Variants in TENM4 observed in about 807,000 individuals in gnomAD.
TENM4 encodes the protein teneurin-4.
In TENM4, 82 loss-of-function variants were observed where a neutral mutation model predicts 243.3. The ratio of observed to expected loss-of-function variants is 0.34; its 90% CI spans 0.28 to 0.40. TENM4 has a LOEUF of 0.40. Among genes scored for constraint, TENM4 ranks in the 10% least tolerant of loss-of-function variants. TENM4 has a pLI of 1.00. For missense variants in TENM4, 3,138 were observed against 3,673.3 expected, an observed-to-expected ratio of 0.85 and a Z score of 3.77; for synonymous variants, 1,412 against 1,456.3, an observed-to-expected ratio of 0.97 and a Z score of 0.69.
intron 2 of TENM4, among the ~76,000 whole-genome samples, chr11:79,276,981 A>G (rs532413656): frequency 1.3e-5 from 2 of 151,886 alleles, no homozygotes; most frequent in South Asian, 4.2e-4. Flanking sequence ...CCCACCCCCA[A>G]TCCTCCTGCC....
chr11:78,925,322 T>C (rs547924473), intron 6 of TENM4, among the ~76,000 whole-genome samples: 59 of 151,564 alleles, frequency 3.9e-4, no homozygotes, highest in African/African-American at 1.3e-3. Context: ...AAAAAAAGTG[T>C]GTATGTATGT....
chr11:79,396,840 TTA>T lies in TENM4; in HGVS notation c.-321+43667_-321+43668del, dbSNP rs577679207. Among the ~76,000 whole-genome samples the T allele has an allele frequency of 7.8e-4, 119 of 152,312 alleles. 1 individual carries two copies. Among genetic ancestry groups the T allele is most frequent in the African/African-American group, 2.7e-3 (113 of 41,570 alleles). Reference sequence around the variant, plus strand: ...AGAAAATAGAGTGGCTTGAATAGCTTTATGAGTCACAACCAAAGCCAAGAAAG... The same window carrying T: ...AGAAAATAGAGTGGCTTGAATAGCTTTGAGTCACAACCAAAGCCAAGAAAG... On this transcript the variant is annotated intron_variant, in intron 1 of 33. Transcript: ENST00000278550.
intron 1 of TENM4, among the ~76,000 whole-genome samples, chr11:79,423,117 G>T (rs1322479625): frequency 6.6e-6 from 1 of 152,262 alleles, no homozygotes; most frequent in East Asian, 1.9e-4. Flanking sequence ...ATTGGCCTGT[G>T]TCATCCAGAA....
intron 19 of TENM4, among the ~76,000 whole-genome samples, chr11:78,755,876 C>A (rs916531644): frequency 6.6e-6 from 1 of 152,142 alleles, no homozygotes; most frequent in African/African-American, 2.4e-5. Context: ...ACGAGGTGCA[C>A]GGTGACTGCT....
chr11:79,184,398 C>T (rs1208410294), intron 3 of TENM4, among the ~76,000 whole-genome samples: 1 of 152,108 alleles, frequency 6.6e-6, no homozygotes, highest in African/African-American at 2.4e-5. Flanking sequence ...AGGGTTCGCA[C>T]TCTTAAGAGA....
At chr11:79,366,243 A>G (rs890706702) in intron 1 of TENM4, among the ~76,000 whole-genome samples, 1 of 152,196 alleles carries the variant, frequency 6.6e-6, no homozygotes, top group Non-Finnish European at 1.5e-5. Context: ...AGAGCCTTCC[A>G]GTCCTTCTCC....
intron 19 of TENM4, among the ~76,000 whole-genome samples, chr11:78,751,901 A>G (rs778547272): frequency 1.3e-5 from 2 of 152,212 alleles, no homozygotes; most frequent in Non-Finnish European, 2.9e-5. Context: ...AAGTGTCAAT[A>G]GTGGACACCC....
rs563828848 is a variant in TENM4 at position 79,396,844 on chromosome 11, G to A, written c.-321+43665C>T. 3.9e-5 allele frequency among the ~76,000 whole-genome samples: 6 copies of A among 152,324 alleles called. No individual in the cohort carries two copies. The South Asian group carries it at 1.2e-3, about 32-fold the overall frequency. Reference sequence around the variant, plus strand: ...AATAGAGTGGCTTGAATAGCTTTATGAGTCACAACCAAAGCCAAGAAAGAC... The same window carrying A: ...AATAGAGTGGCTTGAATAGCTTTATAAGTCACAACCAAAGCCAAGAAAGAC... On this transcript the variant is annotated intron_variant, in intron 1 of 33. Coordinates refer to ENST00000278550, the MANE Select transcript of TENM4 (RefSeq NM_001098816.3).
At chr11:79,292,829 T>C (rs557805241) in intron 2 of TENM4, among the ~76,000 whole-genome samples, 3 of 152,368 alleles carry the variant, frequency 2.0e-5, no homozygotes, top group South Asian at 2.1e-4. Flanking sequence ...ATCTATCTTA[T>C]AGGGTTGCTT....
chr11:79,122,060 G>T (rs1396904730), intron 4 of TENM4, among the ~76,000 whole-genome samples: 1 of 152,170 alleles, frequency 6.6e-6, no homozygotes, highest in Non-Finnish European at 1.5e-5. Flanking sequence ...ATGTCTAACA[G>T]AGATTCAGGA....
At chr11:79,161,842 A>C (rs1862752225) in intron 3 of TENM4, among the ~76,000 whole-genome samples, 1 of 152,224 alleles carries the variant, frequency 6.6e-6, no homozygotes, top group South Asian at 2.1e-4. Context: ...ACATGGGTTG[A>C]GTACTAACTC....
Position 78,670,039 on chromosome 11 carries a change from T to C in TENM4, c.6306A>G (p.Pro2102=), listed in dbSNP as rs1858279543. ...CATAGCGATAGAGATCAATGGGCAG[T>C]GGGGTCTCGTTGATCACAGCCTGCA... ...TSMQAVINET[P]LPIDLYRYDD... The change falls in exon 32 of 34, where the codon CCA becomes CCG. Residue 2102 remains proline (P), a synonymous_variant. Coordinates refer to ENST00000278550, the MANE Select transcript of TENM4 (RefSeq NM_001098816.3). 6.2e-7 allele frequency: 1 copy of C among 1,613,776 alleles called. No individual in the cohort carries two copies. The highest frequency in any genetic ancestry group is 8.5e-7 in the Non-Finnish European group (1 of 1,179,896).
chr11:78,672,629 T>C (rs1858361502), intron 30 of TENM4, among the ~76,000 whole-genome samples: 1 of 152,222 alleles, frequency 6.6e-6, no homozygotes, highest in Admixed American at 6.5e-5. Context: ...TGTTTTCTAA[T>C]GTGATTCTTC....
chr11:78,802,829 T>TG lies in TENM4; in HGVS notation c.2179+2462dup, dbSNP rs558178229. Among the ~76,000 whole-genome samples the TG allele has an allele frequency of 1.4e-4, 22 of 152,356 alleles. No homozygotes were observed. In the South Asian group the frequency reaches 4.6e-3, roughly 32 times the overall value. ...GCTGCCTTTTATATTCCTGGCCTTG[T>TG]GGCAATCATGAGACCCTTCTAGTCA... is the stretch of plus-strand genomic sequence containing the variant. On this transcript the variant is annotated intron_variant, in intron 15 of 33. Transcript: ENST00000278550.
intron 4 of TENM4, among the ~76,000 whole-genome samples, chr11:79,113,266 G>A (rs1013321834): frequency 1.4e-4 from 21 of 152,174 alleles, no homozygotes; most frequent in African/African-American, 4.6e-4. Flanking sequence ...GAGGGAAGGG[G>A]AAGGCTGTCT....
chr11:79,365,356 C>G (rs756924989), intron 1 of TENM4, among the ~76,000 whole-genome samples: 5 of 152,136 alleles, frequency 3.3e-5, no homozygotes, highest in African/African-American at 4.8e-5. Flanking sequence ...AAAAATCAGA[C>G]AGCCGAAAAG....
chr11:79,340,312 G>A (rs1857220626), intron 1 of TENM4, among the ~76,000 whole-genome samples: 1 of 152,180 alleles, frequency 6.6e-6, no homozygotes, highest in African/African-American at 2.4e-5. Flanking sequence ...CCCAGCCCAG[G>A]GAGGTGGGGT....
chr11:79,430,149 T>G (rs1418596456), intron 1 of TENM4, among the ~76,000 whole-genome samples: 2 of 151,806 alleles, frequency 1.3e-5, no homozygotes, highest in Non-Finnish European at 2.9e-5. Context: ...TTGGGCTACT[T>G]TTTTAGTTAG....
intron 12 of TENM4, among the ~76,000 whole-genome samples, chr11:78,828,102 G>A (rs1427119041): frequency 6.6e-6 from 1 of 152,148 alleles, no homozygotes; most frequent in Non-Finnish European, 1.5e-5. Flanking sequence ...GCAATTTCTG[G>A]TTGGTTTTAT....
Sources: gnomAD v4.1 joint callset for allele counts (sites outside exome capture counted in the v4.1 genomes callset) on GRCh38, gnomAD v4.1.1 for gene constraint, MANE v1.5 for transcripts, NCBI Gene and HGNC (gene_info 2026-07-23, HGNC 2026-07-21) for gene names.